IPCEF1: variants seen among roughly 807,000 people sequenced by gnomAD.
The protein encoded by IPCEF1 is interaction protein for cytohesin exchange factors 1.
A neutral mutation model predicts 50.9 loss-of-function variants in IPCEF1; 31 were observed. The observed-to-expected ratio is 0.61, with a 90% CI of 0.46 to 0.82. IPCEF1 has a LOEUF of 0.82. Among genes scored for constraint, IPCEF1 ranks in the 40% least tolerant of loss-of-function variants. The probability of loss-of-function intolerance (pLI) is 0.00; values close to 1 mark genes in which losing one functional copy is unlikely to be tolerated. For missense variants in IPCEF1, 458 were observed against 514.0 expected, an observed-to-expected ratio of 0.89 and a Z score of 1.05; for synonymous variants, 181 against 192.0, an observed-to-expected ratio of 0.94 and a Z score of 0.47.
At chr6:154,304,084 G>A (rs189450721) in intron 1 of IPCEF1, among the ~76,000 whole-genome samples, 14 of 152,042 alleles carry the variant, frequency 9.2e-5, no homozygotes, top group Non-Finnish European at 1.5e-4. Context: ...TTAGCCTGGT[G>A]TGGTGGGGCA....
At chr6:154,248,249 A>G (rs1031681677) in intron 3 of IPCEF1, among the ~76,000 whole-genome samples, 18 of 152,216 alleles carry the variant, frequency 1.2e-4, no homozygotes, top group African/African-American at 4.3e-4. Context: ...CATTTTAAAC[A>G]AACATACAAT....
chr6:154,219,066 A>AG (rs1239564165), intron 7 of IPCEF1: 1 of 152,204 alleles, frequency 6.6e-6, no homozygotes, highest in Non-Finnish European at 1.5e-5. Flanking sequence ...GTTTCTGCAA[A>AG]GGGAGAACAT....
intron 2 of IPCEF1, among the ~76,000 whole-genome samples, chr6:154,268,127 C>T (rs577608708): frequency 1.2e-4 from 18 of 152,330 alleles, no homozygotes; most frequent in African/African-American, 3.8e-4. Flanking sequence ...CTCCTGCTGC[C>T]GTTCATGGTG....
chr6:154,282,505 A>AC (rs1473049697), intron 2 of IPCEF1, among the ~76,000 whole-genome samples: 1 of 151,986 alleles, frequency 6.6e-6, no homozygotes, highest in Non-Finnish European at 1.5e-5. Context: ...ACACGGTGAA[A>AC]CCCTATCTCT....
intron 9 of IPCEF1, among the ~76,000 whole-genome samples, chr6:154,201,756 A>G (rs577011323): frequency 2.6e-4 from 39 of 152,194 alleles, no homozygotes; most frequent in African/African-American, 8.7e-4. Context: ...TTAGCAGGAC[A>G]TGGTGGCTCA....
At chr6:154,163,631 G>A (rs1385094703) in intron 11 of IPCEF1, among the ~76,000 whole-genome samples, 1 of 152,184 alleles carries the variant, frequency 6.6e-6, no homozygotes, top group African/African-American at 2.4e-5. Context: ...GACTGCACAT[G>A]TAGACTGTTT....
intron 3 of IPCEF1, among the ~76,000 whole-genome samples, chr6:154,249,131 G>A (rs1781274736): frequency 6.6e-6 from 1 of 152,076 alleles, no homozygotes; most frequent in South Asian, 2.1e-4. Context: ...AGATAGACAT[G>A]TTATAATCAT....
chr6:154,168,648 C>G lies in IPCEF1; in HGVS notation c.911-535G>C, dbSNP rs1462326123. Reference sequence around the variant, plus strand: ...GAGACGGAGTTTTACTGCTGTTGCCCAGGCTAAAGTGAAATGGCACAATCT... The same window carrying G: ...GAGACGGAGTTTTACTGCTGTTGCCGAGGCTAAAGTGAAATGGCACAATCT... On this transcript the variant is annotated intron_variant, in intron 10 of 11. Coordinates refer to ENST00000367220, the MANE Select transcript of IPCEF1 (RefSeq NM_001130700.2). This position sits in a 1 kb window ranked among gnomAD's most constrained non-coding sequence, Gnocchi z 4.1. Among the ~76,000 whole-genome samples, 2 of 151,834 alleles carry G rather than the reference C, an allele frequency of 1.3e-5. No homozygotes were observed. Among genetic ancestry groups the G allele is most frequent in the Non-Finnish European group, 2.9e-5 (2 of 67,994 alleles).
intron 5 of IPCEF1, among the ~76,000 whole-genome samples, chr6:154,236,568 T>C (rs897644231): frequency 2.6e-4 from 40 of 152,234 alleles, no homozygotes; most frequent in African/African-American, 9.4e-4. Flanking sequence ...AAACATTTAA[T>C]TTTAAAGCTA....
intron 1 of IPCEF1, among the ~76,000 whole-genome samples, chr6:154,355,195 A>G (rs997358183): frequency 4.6e-5 from 7 of 152,342 alleles, no homozygotes; most frequent in African/African-American, 1.2e-4. Context: ...AATAGTGATG[A>G]AGTAATTTCT....
intron 3 of IPCEF1, among the ~76,000 whole-genome samples, chr6:154,258,337 G>A (rs539458361): frequency 6.6e-5 from 10 of 152,290 alleles, no homozygotes; most frequent in South Asian, 4.1e-4. Context: ...CACAGATCAC[G>A]CACAGCTAGT....
At chr6:154,183,577 G>A (rs1322931610) in intron 10 of IPCEF1, among the ~76,000 whole-genome samples, 1 of 152,190 alleles carries the variant, frequency 6.6e-6, no homozygotes, top group Admixed American at 6.5e-5. Flanking sequence ...ATAAAGGTAT[G>A]TTCTAACTAC....
intron 3 of IPCEF1, among the ~76,000 whole-genome samples, chr6:154,252,276 AAAAGT>A (rs761527943): frequency 2.3e-4 from 35 of 152,320 alleles, no homozygotes; most frequent in Admixed American, 3.9e-4. Context: ...CAGCCAAAGA[AAAAGT>A]AAAGAGAGGC....
chr6:154,180,166 T>C (rs1800709085), intron 10 of IPCEF1, among the ~76,000 whole-genome samples: 1 of 152,126 alleles, frequency 6.6e-6, no homozygotes, highest in South Asian at 2.1e-4. Flanking sequence ...CAAAGGAGTA[T>C]GTCCAAAATC....
intron 2 of IPCEF1, among the ~76,000 whole-genome samples, chr6:154,272,081 T>C (rs762822867): frequency 2.6e-5 from 4 of 152,238 alleles, no homozygotes; most frequent in South Asian, 2.1e-4. Flanking sequence ...AGAAAACTTA[T>C]GGAAACTGCT....
intron 2 of IPCEF1, among the ~76,000 whole-genome samples, chr6:154,272,385 A>C (rs931274401): frequency 1.3e-5 from 2 of 152,260 alleles, no homozygotes; most frequent in Non-Finnish European, 2.9e-5. Context: ...CTCCCTAGCC[A>C]ACTAACCAAT....
chr6:154,265,864 A>C, intron 3 of IPCEF1, 48 bp downstream of exon 3: 1 of 1,384,378 alleles, frequency 7.2e-7, no homozygotes, highest in South Asian at 1.3e-5. Flanking sequence ...TTACTCATTC[A>C]TCAAACTGAC....
At chr6:154,173,946 G>A (rs1231048642) in intron 10 of IPCEF1, among the ~76,000 whole-genome samples, 2 of 152,156 alleles carry the variant, frequency 1.3e-5, no homozygotes, top group Non-Finnish European at 2.9e-5. Context: ...CCTACAAAGG[G>A]AAGCCCATCA....
intron 2 of IPCEF1, among the ~76,000 whole-genome samples, chr6:154,266,317 C>A (rs905697149): frequency 6.6e-6 from 1 of 151,846 alleles, no homozygotes; most frequent in Non-Finnish European, 1.5e-5. Flanking sequence ...CCCAGGAGTT[C>A]AAGGTTACAG....
Sources: gnomAD v4.1 joint callset for allele counts (sites outside exome capture counted in the v4.1 genomes callset) on GRCh38, gnomAD v4.1.1 for gene constraint, Gnocchi (gnomAD v3.1) non-coding constraint, MANE v1.5 for transcripts, NCBI Gene and HGNC (gene_info 2026-07-23, HGNC 2026-07-21) for gene names.